FMNL2: variants seen among roughly 807,000 people sequenced by gnomAD.
FMNL2 encodes the protein formin-like protein 2.
FMNL2 carries 51 observed loss-of-function variants against 130.2 expected under a neutral mutation model. The observed-to-expected ratio is 0.39, with a 90% CI of 0.31 to 0.49. The LOEUF (loss-of-function observed/expected upper bound fraction) is 0.49. Among genes scored for constraint, FMNL2 ranks in the 20% least tolerant of loss-of-function variants. The pLI, the probability that FMNL2 is intolerant of heterozygous loss-of-function variation, is 0.85. For missense variants in FMNL2, 977 were observed against 1,316.2 expected (o/e 0.74, Z 3.99); for synonymous variants, 465 against 467.1 (o/e 1.00, Z 0.06).
At chr2:152,402,091 A>G (rs930376765) in intron 1 of FMNL2, among the ~76,000 whole-genome samples, 3 of 151,958 alleles carry the variant, frequency 2.0e-5, no homozygotes, top group African/African-American at 7.2e-5. Flanking sequence ...TTTAGTAGAG[A>G]CAGGGTTTCA....
intron 2 of FMNL2, among the ~76,000 whole-genome samples, chr2:152,523,312 A>G (rs1221403752): frequency 6.6e-6 from 1 of 152,174 alleles, no homozygotes. Flanking sequence ...ATGCTCAGAG[A>G]CAGATTTGTG....
chr2:152,571,142 G>A (rs1016577386), intron 6 of FMNL2, among the ~76,000 whole-genome samples: 5 of 152,036 alleles, frequency 3.3e-5, no homozygotes, highest in African/African-American at 1.2e-4. Context: ...GGATGGCGTT[G>A]GAGTGTCTTC....
intron 1 of FMNL2, among the ~76,000 whole-genome samples, chr2:152,361,697 C>T (rs1032350437): frequency 1.3e-5 from 2 of 152,182 alleles, no homozygotes; most frequent in East Asian, 3.9e-4. Flanking sequence ...TCCAGCTTTG[C>T]CAGCCATGTC....
intron 2 of FMNL2, among the ~76,000 whole-genome samples, chr2:152,527,829 A>C (rs934201456): frequency 6.6e-6 from 1 of 152,168 alleles, no homozygotes; most frequent in Non-Finnish European, 1.5e-5. Flanking sequence ...GGTATGAAAC[A>C]TATCTTCTTT....
At chr2:152,625,258 C>G in intron 15 of FMNL2, 180 bp from the exon 16 acceptor site, 1 of 583,704 alleles carries the variant, frequency 1.7e-6, no homozygotes, top group Non-Finnish European at 2.8e-6. Context: ...AAATGATGAC[C>G]TCAAATGGCT....
intron 1 of FMNL2, among the ~76,000 whole-genome samples, chr2:152,471,933 C>T (rs965708886): frequency 6.6e-6 from 1 of 152,150 alleles, no homozygotes; most frequent in African/African-American, 2.4e-5. Flanking sequence ...AGTAGTGCGA[C>T]TCCGGTAGCA....
chr2:152,462,752 A>G (rs903940604), intron 1 of FMNL2, among the ~76,000 whole-genome samples: 3 of 152,184 alleles, frequency 2.0e-5, no homozygotes, highest in Non-Finnish European at 2.9e-5. Flanking sequence ...TTCAAAGGTT[A>G]GTTGACTTGC....
intron 1 of FMNL2, among the ~76,000 whole-genome samples, chr2:152,416,809 A>G (rs776589128): frequency 6.6e-6 from 1 of 152,232 alleles, no homozygotes; most frequent in African/African-American, 2.4e-5. Flanking sequence ...ATGTGGATCA[A>G]GTAGGCAAAT....
chr2:152,552,923 G>T (rs148607790), intron 4 of FMNL2, among the ~76,000 whole-genome samples: 1 of 152,184 alleles, frequency 6.6e-6, no homozygotes, highest in African/African-American at 2.4e-5. Context: ...TTGTAGTAAA[G>T]CTACCTATAA....
intron 2 of FMNL2, among the ~76,000 whole-genome samples, chr2:152,522,871 T>C (rs1483140850): frequency 1.3e-5 from 2 of 152,214 alleles, no homozygotes; most frequent in Non-Finnish European, 2.9e-5. Flanking sequence ...GAATAGCTGT[T>C]ATATGATGCT....
intron 1 of FMNL2, among the ~76,000 whole-genome samples, chr2:152,498,776 G>A (rs1374588131): frequency 2.0e-5 from 3 of 152,070 alleles, no homozygotes; most frequent in African/African-American, 2.4e-5. Flanking sequence ...CTGAGATTTG[G>A]GAGATCATCA....
chr2:152,625,117 T>A (rs1225808815), intron 15 of FMNL2: 1 of 249,412 alleles, frequency 4.0e-6, no homozygotes, highest in African/African-American at 2.2e-5. Flanking sequence ...CCAACACTTT[T>A]TATTTGTCCC....
At chr2:152,462,323 A>C (rs909750521) in intron 1 of FMNL2, among the ~76,000 whole-genome samples, 2 of 152,230 alleles carry the variant, frequency 1.3e-5, no homozygotes, top group Non-Finnish European at 2.9e-5. Flanking sequence ...TTAGGCAGTG[A>C]GAAAATGATT....
rs1173544896 is a variant in FMNL2 at position 152,392,141 on chromosome 2, C to T, written c.117+56421C>T. ...CTATTTGCCTAATATCTTAGTTGTA[C>T]CTAAACATTGTGGAAGGTAGTTTCT... is the stretch of plus-strand genomic sequence containing the variant. On this transcript the variant is annotated intron_variant, in intron 1 of 25. Transcript: ENST00000288670. Among the ~76,000 whole-genome samples the T allele has an allele frequency of 3.3e-5, 5 of 152,022 alleles. No homozygotes were observed. In the East Asian group the frequency reaches 9.6e-4, roughly 29 times the overall value.
intron 2 of FMNL2, among the ~76,000 whole-genome samples, chr2:152,537,715 A>G (rs1267752302): frequency 6.6e-6 from 1 of 152,238 alleles, no homozygotes; most frequent in Non-Finnish European, 1.5e-5. Context: ...TCTTTTACAT[A>G]CTGGGACTCA....
chr2:152,597,685 G>A (rs979886577), intron 9 of FMNL2, among the ~76,000 whole-genome samples: 3 of 152,152 alleles, frequency 2.0e-5, no homozygotes, highest in African/African-American at 7.2e-5. Context: ...AAAGTATTAA[G>A]TAACATCTTA....
intron 1 of FMNL2, among the ~76,000 whole-genome samples, chr2:152,398,289 A>G (rs1005258770): frequency 6.6e-6 from 1 of 152,300 alleles, no homozygotes; most frequent in African/African-American, 2.4e-5. Flanking sequence ...AAGAGCACAG[A>G]TTTTTTATAT....
At chr2:152,516,869 C>T (rs1433301115) in intron 1 of FMNL2, among the ~76,000 whole-genome samples, 9 of 152,100 alleles carry the variant, frequency 5.9e-5, no homozygotes, top group Non-Finnish European at 5.9e-5. Flanking sequence ...ACCATAATTA[C>T]TTTCTTTATA....
rs541337435 is a variant in FMNL2 at position 152,349,763 on chromosome 2, C to T, written c.117+14043C>T. Among the ~76,000 whole-genome samples, 7 of 151,172 alleles carry T rather than the reference C, an allele frequency of 4.6e-5. No individual in the cohort carries two copies. In the East Asian group the frequency reaches 9.6e-4, roughly 21 times the overall value. On this transcript the variant is annotated intron_variant, in intron 1 of 25. Transcript: ENST00000288670. The stretch of plus-strand genomic sequence containing the variant: ...GTGCCTTTTCTGAATTCTGAGTGTT[C>T]AGAAAATGTTTCCTTGGAATAGGAA...
Sources: allele counts gnomAD v4.1 joint callset (sites outside exome capture counted in the v4.1 genomes callset), GRCh38; gene constraint gnomAD v4.1.1; transcripts MANE v1.5; gene names NCBI Gene and HGNC (gene_info 2026-07-23, HGNC 2026-07-21).